The following SAMMSON variants were observed in gnomAD, a reference collection of about 807,000 sequenced individuals.
The protein encoded by SAMMSON is survival associated mitochondrial melanoma specific oncogenic non-coding RNA.
At chr3:70,221,782 C>A (rs1701462592) in intron 4 of SAMMSON, among the ~76,000 whole-genome samples, 1 of 152,074 alleles carries the variant, frequency 6.6e-6, no homozygotes, top group South Asian at 2.1e-4. Flanking sequence ...TTATATCGAG[C>A]ATCATTGTTA....
Position 70,044,511 on chromosome 3 carries a change from A to G in SAMMSON, n.418-26965A>G, listed in dbSNP as rs375824346. On this transcript the variant is annotated intron_variant and non_coding_transcript_variant, in intron 3 of 9. Transcript: ENST00000642114. ...CCAACCAGATATTCATTTTTGATGT[A>G]AGTTCAAATGCCTTCAACAGATCAA... Among the ~76,000 whole-genome samples, 6 of 152,198 alleles carry G rather than the reference A, an allele frequency of 3.9e-5. No homozygotes were observed. In the East Asian group the frequency reaches 1.2e-3, roughly 29 times the overall value.
chr3:70,290,914 C>G (rs148579138), intron 6 of SAMMSON, among the ~76,000 whole-genome samples: 12 of 152,294 alleles, frequency 7.9e-5, no homozygotes, highest in African/African-American at 2.6e-4. Context: ...CGCCCTGCTT[C>G]GGATGGCGCA....
At chr3:70,269,695 T>C (rs908063361) in intron 6 of SAMMSON, among the ~76,000 whole-genome samples, 2 of 152,062 alleles carry the variant, frequency 1.3e-5, no homozygotes, top group Admixed American at 1.3e-4. Flanking sequence ...ATATTTAATA[T>C]AGTGGCAAAA....
chr3:70,137,872 A>T (rs1329343826), intron 4 of SAMMSON, among the ~76,000 whole-genome samples: 2 of 152,192 alleles, frequency 1.3e-5, no homozygotes, highest in African/African-American at 4.8e-5. Context: ...GCCACATTTC[A>T]CATGTGACTA....
At chr3:70,390,112 G>A (rs1030929601), downstream of SAMMSON, among the ~76,000 whole-genome samples, 3 of 152,016 alleles carry the variant, frequency 2.0e-5, no homozygotes, top group African/African-American at 4.8e-5. Flanking sequence ...GCAAAAACAC[G>A]ATTTCTAAAA....
chr3:70,047,905 A>G (rs547354488), intron 3 of SAMMSON, among the ~76,000 whole-genome samples: 80 of 152,142 alleles, frequency 5.3e-4, no homozygotes, highest in African/African-American at 1.7e-3. Flanking sequence ...GCATTAATCT[A>G]TTTATGGGGA....
intron 4 of SAMMSON, among the ~76,000 whole-genome samples, chr3:70,124,268 T>C (rs1215694569): frequency 6.6e-6 from 1 of 152,224 alleles, no homozygotes; most frequent in African/African-American, 2.4e-5. Context: ...CAATGTTCTA[T>C]GGGAGTACTT....
intron 2 of SAMMSON, among the ~76,000 whole-genome samples, chr3:70,427,737 C>CAAAAAA (rs34837077): frequency 9.7e-6 from 1 of 102,922 alleles, no homozygotes; most frequent in Non-Finnish European, 2.0e-5. Context: ...AACTCCGTCT[C>CAAAAAA]AAAAAAAAAA....
chr3:70,298,241 T>C (rs1403081), intron 7 of SAMMSON, among the ~76,000 whole-genome samples: 31,577 of 152,042 alleles, frequency 0.21, 3,472 homozygotes, highest in South Asian at 0.28. Flanking sequence ...CTGATCATAG[T>C]TGATTCTGCC....
At position 70,071,944 on chromosome 3, in the gene SAMMSON, T is replaced by G. The variant is rs1440588768; in HGVS notation, n.507+379T>G. On this transcript the variant is annotated intron_variant and non_coding_transcript_variant, in intron 4 of 9. Coordinates refer to ENST00000642114, the Ensembl canonical transcript of SAMMSON. The stretch of plus-strand genomic sequence containing the variant: ...TTTTTTTTCCTTCTTCAGACAAATG[T>G]ATAGGCATTTAGACCGCCACGTTGT... 2.0e-5 allele frequency: 3 copies of G among 151,878 alleles called. No homozygotes were observed. In the Admixed American group the frequency reaches 2.0e-4, roughly 10 times the overall value. 9.4% of individuals were successfully genotyped at this position (151,878 alleles called of 1,614,324 possible). A position where few individuals can be genotyped will look rare whatever the true frequency, so the allele number is the denominator to read the frequency against.
chr3:70,163,714 G>T (rs371049242), intron 4 of SAMMSON, among the ~76,000 whole-genome samples: 1 of 151,930 alleles, frequency 6.6e-6, no homozygotes, highest in Non-Finnish European at 1.5e-5. Context: ...CTGACGATGC[G>T]GGGAGGGATT....
chr3:70,005,276 A>C (rs757245500), intron 1 of SAMMSON, among the ~76,000 whole-genome samples: 3 of 152,150 alleles, frequency 2.0e-5, no homozygotes, highest in Admixed American at 6.5e-5. Flanking sequence ...TTAGTGGCTT[A>C]AAAAGATAAT....
At chr3:70,164,068 G>A (rs1159772473) in intron 4 of SAMMSON, among the ~76,000 whole-genome samples, 5 of 151,960 alleles carry the variant, frequency 3.3e-5, no homozygotes, top group African/African-American at 1.2e-4. Context: ...TGGTCCATTG[G>A]CCTTGCAGTG....
chr3:70,367,414 C>T (rs920954378), intron 9 of SAMMSON, among the ~76,000 whole-genome samples: 1 of 151,372 alleles, frequency 6.6e-6, no homozygotes, highest in Admixed American at 6.6e-5. Flanking sequence ...TAATTGAAAA[C>T]ATCAACTTAA....
At chr3:70,092,905 T>TTG (rs2067309966) in intron 4 of SAMMSON, among the ~76,000 whole-genome samples, 1 of 150,844 alleles carries the variant, frequency 6.6e-6, no homozygotes, top group South Asian at 2.1e-4. Flanking sequence ...TGTTTTTGTT[T>TTG]TTTTTTTTTT....
intron 3 of SAMMSON, among the ~76,000 whole-genome samples, chr3:70,028,498 G>A (rs935009084): frequency 6.6e-6 from 1 of 152,074 alleles, no homozygotes; most frequent in Non-Finnish European, 1.5e-5. Flanking sequence ...GTGGGTAGGT[G>A]GCAAATTCCT....
At chr3:70,218,134 A>T (rs1027317112) in intron 4 of SAMMSON, among the ~76,000 whole-genome samples, 1 of 152,174 alleles carries the variant, frequency 6.6e-6, no homozygotes, top group Non-Finnish European at 1.5e-5. Context: ...TTGATAGTCC[A>T]CTTGGTGGAA....
chr3:70,297,061 G>A (rs1275350273), intron 7 of SAMMSON, among the ~76,000 whole-genome samples: 5 of 151,814 alleles, frequency 3.3e-5, no homozygotes, highest in African/African-American at 1.2e-4. Context: ...ATGAATTAAG[G>A]AATATATTAT....
chr3:70,374,654 C>T (rs1052153503), intron 9 of SAMMSON, among the ~76,000 whole-genome samples: 3 of 152,088 alleles, frequency 2.0e-5, no homozygotes, highest in African/African-American at 7.2e-5. Context: ...AAGAGAAGAG[C>T]CTCACTGTTG....
Sources: allele counts gnomAD v4.1 joint callset (sites outside exome capture counted in the v4.1 genomes callset), GRCh38; gene constraint gnomAD v4.1.1; transcripts MANE v1.5; gene names NCBI Gene and HGNC (gene_info 2026-07-23, HGNC 2026-07-21).